The following TLK1 variants were observed in gnomAD, a reference collection of about 807,000 sequenced individuals.
TLK1 encodes the protein tousled like kinase 1, also known as serine/threonine-protein kinase tousled-like 1.
Under a neutral mutation model 105.3 loss-of-function variants are expected in TLK1, and 24 were observed. The observed-to-expected ratio is 0.23, with a 90% confidence interval of 0.17 to 0.32. The LOEUF (loss-of-function observed/expected upper bound fraction) is 0.32. Ranked by LOEUF, TLK1 falls within the 10% of genes least tolerant of loss-of-function variation. The pLI is 1.00. For missense variants in TLK1, 558 were observed against 910.5 expected, an observed-to-expected ratio of 0.61 and a Z score of 4.98; for synonymous variants, 321 against 310.4, an observed-to-expected ratio of 1.03 and a Z score of -0.36.
chr2:171,048,624 T>C (rs928736645), intron 10 of TLK1, among the ~76,000 whole-genome samples: 13 of 31,408 alleles, frequency 4.1e-4, no homozygotes, highest in African/African-American at 6.5e-4. Flanking sequence ...ATCTGCAGAA[T>C]TGAAACCCAA....
chr2:171,051,214 A>C (rs1400296851), intron 8 of TLK1, among the ~76,000 whole-genome samples: 3 of 152,142 alleles, frequency 2.0e-5, no homozygotes, highest in African/African-American at 7.2e-5. Context: ...AATAGCCAAA[A>C]AGAAGAAGAG....
At chr2:171,165,135 G>C (rs761509103), upstream of TLK1, among the ~76,000 whole-genome samples, 6 of 152,188 alleles carry the variant, frequency 3.9e-5, no homozygotes, top group Non-Finnish European at 8.8e-5. Context: ...CTTCCATGGA[G>C]GAATATTCCC....
intron 2 of TLK1, among the ~76,000 whole-genome samples, chr2:171,103,360 C>T (rs992762252): frequency 1.3e-5 from 2 of 150,940 alleles, no homozygotes; most frequent in African/African-American, 2.5e-5. Context: ...CTGCAATCTC[C>T]GCCGCCTCCT....
intron 2 of TLK1, among the ~76,000 whole-genome samples, chr2:171,107,087 T>C (rs955536523): frequency 6.6e-6 from 1 of 152,208 alleles, no homozygotes; most frequent in African/African-American, 2.4e-5. Context: ...CTGAATACTT[T>C]GATGAGTCCA....
chr2:171,015,411 TACAAACACACACAC>T (rs1254181752), intron 12 of TLK1, among the ~76,000 whole-genome samples: 5 of 110,574 alleles, frequency 4.5e-5, no homozygotes, highest in Non-Finnish European at 8.8e-5. Flanking sequence ...GCATTTGGAG[TACAAACACACACAC>T]ACACACACAC....
chr2:171,217,108 A>G (rs1693727732), intron 1 of TLK1, among the ~76,000 whole-genome samples: 1 of 152,210 alleles, frequency 6.6e-6, no homozygotes. Context: ...GTGCCACAGA[A>G]CAGGAGTCCC....
upstream of TLK1, among the ~76,000 whole-genome samples, chr2:171,163,555 G>A (rs573367021): frequency 4.7e-4 from 72 of 152,230 alleles, no homozygotes; most frequent in South Asian, 2.7e-3. Flanking sequence ...CCTCATCTAC[G>A]AGAAAGAGGT....
At chr2:171,004,626 G>A (rs1684560052) in intron 18 of TLK1, among the ~76,000 whole-genome samples, 2 of 152,192 alleles carry the variant, frequency 1.3e-5, no homozygotes, top group Admixed American at 1.3e-4. Context: ...AAGCCAGAGT[G>A]AGAGAGAAAC....
chr2:171,026,716 T>A (rs745609874), intron 12 of TLK1, among the ~76,000 whole-genome samples: 2 of 152,128 alleles, frequency 1.3e-5, no homozygotes, highest in Non-Finnish European at 2.9e-5. Flanking sequence ...ACGAACTCAT[T>A]ATCAAAACAG....
At chr2:171,194,150 A>C (rs1693215942) in intron 1 of TLK1, among the ~76,000 whole-genome samples, 1 of 152,216 alleles carries the variant, frequency 6.6e-6, no homozygotes, top group Non-Finnish European at 1.5e-5. Flanking sequence ...CCATTGAAGA[A>C]ATATATTTCT....
intron 13 of TLK1, 107 bp from the exon 14 acceptor site, chr2:171,011,561 T>A (rs1684918087): frequency 1.2e-6 from 1 of 851,036 alleles, no homozygotes; most frequent in East Asian, 2.7e-5. Flanking sequence ...TATTTCTCAG[T>A]TACTCCACTG....
intron 2 of TLK1, among the ~76,000 whole-genome samples, chr2:171,116,926 T>G (rs1185396024): frequency 6.6e-6 from 1 of 152,168 alleles, no homozygotes; most frequent in Admixed American, 6.5e-5. Context: ...ATCTAGCAAT[T>G]GTACTCTTGG....
At chr2:171,105,392 T>TA (rs1048092487) in intron 2 of TLK1, among the ~76,000 whole-genome samples, 1 of 152,120 alleles carries the variant, frequency 6.6e-6, no homozygotes, top group Non-Finnish European at 1.5e-5. Flanking sequence ...CAGGTATATT[T>TA]AAAAAATGCT....
At chr2:171,121,573 T>C (rs1361940860) in intron 1 of TLK1, among the ~76,000 whole-genome samples, 1 of 152,130 alleles carries the variant, frequency 6.6e-6, no homozygotes, top group African/African-American at 2.4e-5. Context: ...TTGGACTTCA[T>C]CAAAAATTTA....
chr2:171,219,764 C>T (rs1301197366), intron 1 of TLK1, among the ~76,000 whole-genome samples: 3 of 152,098 alleles, frequency 2.0e-5, no homozygotes, highest in Admixed American at 1.3e-4. Context: ...CCACATCTGG[C>T]TAATTTTTGT....
chr2:171,158,115 C>G (rs964470022), intron 1 of TLK1, among the ~76,000 whole-genome samples: 2 of 152,184 alleles, frequency 1.3e-5, no homozygotes, highest in Non-Finnish European at 2.9e-5. Flanking sequence ...CTTCATATTC[C>G]TGTTAGCGTT....
intron 11 of TLK1, among the ~76,000 whole-genome samples, chr2:171,031,059 C>T (rs1033223826): frequency 2.0e-5 from 3 of 151,884 alleles, no homozygotes; most frequent in Non-Finnish European, 4.4e-5. Flanking sequence ...AATACTCTCC[C>T]CAGAAAATTT....
chr2:170,996,000 C>G (rs1440749821), intron 20 of TLK1, among the ~76,000 whole-genome samples: 2 of 151,624 alleles, frequency 1.3e-5, no homozygotes, highest in African/African-American at 2.4e-5. Flanking sequence ...CCGCGCATGG[C>G]CTATTTGGTT....
intron 1 of TLK1, among the ~76,000 whole-genome samples, chr2:171,125,874 T>A (rs1346803719): frequency 6.6e-6 from 1 of 152,162 alleles, no homozygotes; most frequent in Non-Finnish European, 1.5e-5. Context: ...ATAGGTAAGT[T>A]TGCTTACTCC....
Sources: gnomAD v4.1 joint callset for allele counts (sites outside exome capture counted in the v4.1 genomes callset) on GRCh38, gnomAD v4.1.1 for gene constraint, MANE v1.5 for transcripts, NCBI Gene and HGNC (gene_info 2026-07-23, HGNC 2026-07-21) for gene names.